MYO3A: variants seen among roughly 807,000 people sequenced by gnomAD.
The protein encoded by MYO3A is myosin IIIA.
In MYO3A, 180 loss-of-function variants were observed where a neutral mutation model predicts 192.7. The observed-to-expected ratio is 0.93, with a 90% CI of 0.83 to 1.06. The LOEUF (loss-of-function observed/expected upper bound fraction) is 1.06, where lower values mean the gene tolerates loss of function less well. Ranked by LOEUF, MYO3A falls within the 50% of genes least tolerant of loss-of-function variation. The pLI is 0.00. For synonymous variants in MYO3A, 628 were observed against 645.3 expected, an observed-to-expected ratio of 0.97 and a Z score of 0.41; for missense variants, 1,896 against 1,905.0, an observed-to-expected ratio of 1.00 and a Z score of 0.09.
At chr10:26,033,538 T>C (rs1321429471) in intron 10 of MYO3A, among the ~76,000 whole-genome samples, 1 of 152,192 alleles carries the variant, frequency 6.6e-6, no homozygotes, top group Non-Finnish European at 1.5e-5. Context: ...CTATAATCTT[T>C]GCTACCCTAG....
chr10:26,056,117 G>A (rs977750570), intron 10 of MYO3A, among the ~76,000 whole-genome samples: 1 of 152,212 alleles, frequency 6.6e-6, no homozygotes, highest in African/African-American at 2.4e-5. Flanking sequence ...TGCAAGGACA[G>A]ATGGGCAATG....
intron 10 of MYO3A, among the ~76,000 whole-genome samples, chr10:26,062,781 CA>C (rs1489107806): frequency 6.6e-6 from 1 of 151,754 alleles, no homozygotes; most frequent in Non-Finnish European, 1.5e-5. Context: ...GCAAGCTACA[CA>C]GGAAAGAAAA....
chr10:26,148,145 A>G (rs1312627823), intron 23 of MYO3A, among the ~76,000 whole-genome samples: 2 of 152,228 alleles, frequency 1.3e-5, no homozygotes, highest in African/African-American at 2.4e-5. Context: ...AAGCACCTGT[A>G]AAACTATCAC....
intron 4 of MYO3A, among the ~76,000 whole-genome samples, chr10:25,963,916 G>A (rs905606863): frequency 5.3e-5 from 8 of 152,114 alleles, no homozygotes; most frequent in African/African-American, 1.7e-4. Flanking sequence ...GCCGGAAAAA[G>A]CATCTTCTTT....
At chr10:25,984,923 A>G (rs966245323) in intron 4 of MYO3A, among the ~76,000 whole-genome samples, 10 of 152,212 alleles carry the variant, frequency 6.6e-5, no homozygotes, top group African/African-American at 1.9e-4. Context: ...AAAAGTTCAT[A>G]GCATTAAATC....
chr10:26,173,594 A>C, intron 29 of MYO3A, 69 bp from the exon 30 acceptor site: 1 of 1,428,188 alleles, frequency 7.0e-7, no homozygotes, highest in Non-Finnish European at 9.7e-7. Flanking sequence ...CTAGCATATA[A>C]CTATTGCCAA....
intron 14 of MYO3A, among the ~76,000 whole-genome samples, chr10:26,085,931 G>A (rs1836277326): frequency 6.6e-6 from 1 of 152,120 alleles, no homozygotes; most frequent in South Asian, 2.1e-4. Flanking sequence ...TGGCCTTTCT[G>A]GGTTTCCGTG....
Position 26,059,897 on chromosome 10 carries a change from G to T in MYO3A, c.954-7078G>T, listed in dbSNP as rs71492523. ...GACACTTTGGGAGGCTGAGGCGGACGGATCACTTGAGGTCAGGAGTTTGAG... is the reference window on the plus strand; with the variant it reads ...GACACTTTGGGAGGCTGAGGCGGACTGATCACTTGAGGTCAGGAGTTTGAG... On this transcript the variant is annotated intron_variant, in intron 10 of 34. Transcript: ENST00000642920. 1.3e-3 allele frequency among the ~76,000 whole-genome samples: 191 copies of T among 151,466 alleles called. 3 individuals are homozygous for T. The highest frequency in any genetic ancestry group is 4.3e-3 in the African/African-American group (176 of 41,378).
rs534923171 is a variant in MYO3A at position 26,010,504 on chromosome 10, C to A, written c.509-6316C>A. Among the ~76,000 whole-genome samples, 6 of 130,576 alleles carry A rather than the reference C, an allele frequency of 4.6e-5. No individual in the cohort carries two copies. The East Asian group carries it at 1.3e-3, about 29-fold the overall frequency. The allele number at this position is 130,576 out of a possible 152,430, so 85.7% of individuals were successfully genotyped here. A position where few individuals can be genotyped will look rare whatever the true frequency, so the allele number is the denominator to read the frequency against. ...TTTTTTATGGAGTCTTGCTCTGTTG[C>A]CCAGGCTGGAGCGCAGAGGCGCAAT... On this transcript the variant is annotated intron_variant, in intron 6 of 34. Coordinates refer to ENST00000642920, the MANE Select transcript of MYO3A (RefSeq NM_017433.5).
chr10:26,199,549 C>T (rs1202078715), intron 32 of MYO3A, among the ~76,000 whole-genome samples: 1 of 151,812 alleles, frequency 6.6e-6, no homozygotes. Context: ...CAGCCTGAGT[C>T]ACAGAGCGAG....
intron 14 of MYO3A, among the ~76,000 whole-genome samples, chr10:26,081,133 T>TCCCCCCCCCTTCCCCCCCCCCCCCC (rs1835907338): frequency 1.3e-4 from 11 of 84,980 alleles, no homozygotes; most frequent in Middle Eastern, 8.3e-3. Flanking sequence ...TATATGCCCT[T>TCCCCCCCCCTTCCCCCCCCCCCCCC]CCCCCCCCCC....
chr10:26,007,095 G>C (rs536857859), intron 6 of MYO3A, among the ~76,000 whole-genome samples: 1 of 148,172 alleles, frequency 6.7e-6, no homozygotes, highest in Non-Finnish European at 1.5e-5. Flanking sequence ...ATCAATAAAC[G>C]TAATCCAGCA....
At chr10:26,053,653 G>A (rs1305447863) in intron 10 of MYO3A, among the ~76,000 whole-genome samples, 2 of 151,990 alleles carry the variant, frequency 1.3e-5, no homozygotes, top group South Asian at 2.1e-4. Flanking sequence ...GTGAAACCCC[G>A]TCTCTACTAA....
intron 2 of MYO3A, among the ~76,000 whole-genome samples, chr10:25,940,721 C>T (rs1836434911): frequency 6.6e-6 from 1 of 152,104 alleles, no homozygotes; most frequent in South Asian, 2.1e-4. Flanking sequence ...TTCAGATTAA[C>T]AATTATTTTC....
intron 4 of MYO3A, among the ~76,000 whole-genome samples, chr10:25,958,490 G>A (rs1276532716): frequency 6.6e-6 from 1 of 152,014 alleles, no homozygotes; most frequent in Admixed American, 6.6e-5. Flanking sequence ...TTTGTTTACT[G>A]TAGCCCTGTA....
intron 18 of MYO3A, among the ~76,000 whole-genome samples, chr10:26,124,842 G>A (rs1482209288): frequency 6.6e-6 from 1 of 152,118 alleles, no homozygotes; most frequent in Non-Finnish European, 1.5e-5. Flanking sequence ...AGTAATTGAA[G>A]TATGAAACTA....
chr10:26,020,605 C>G (rs1358158952), intron 7 of MYO3A, among the ~76,000 whole-genome samples: 2 of 151,820 alleles, frequency 1.3e-5, no homozygotes, highest in African/African-American at 4.8e-5. Context: ...TTTATTTTTT[C>G]TTGTGGGTTG....
intron 11 of MYO3A, 102 bp downstream of exon 11, chr10:26,067,176 T>C: frequency 1.3e-6 from 1 of 780,362 alleles, no homozygotes; most frequent in Non-Finnish European, 2.2e-6. Context: ...TAGATTATGA[T>C]GGTTATTAAG....
intron 32 of MYO3A, among the ~76,000 whole-genome samples, chr10:26,199,847 G>A (rs1843602200): frequency 6.6e-6 from 1 of 152,130 alleles, no homozygotes; most frequent in South Asian, 2.1e-4. Flanking sequence ...TTGTTACCCA[G>A]AACAAAAGGG....
Sources: allele counts gnomAD v4.1 joint callset (sites outside exome capture counted in the v4.1 genomes callset), GRCh38; gene constraint gnomAD v4.1.1; transcripts MANE v1.5; gene names NCBI Gene and HGNC (gene_info 2026-07-23, HGNC 2026-07-21).